The following FGFR2 variants were observed in gnomAD, a reference collection of about 807,000 sequenced individuals.
The protein encoded by FGFR2 is BEK fibroblast growth factor receptor.
In FGFR2, 19 loss-of-function variants were observed where a neutral mutation model predicts 95.9. That is an observed-to-expected ratio of 0.20 (90% CI 0.14 to 0.29). The LOEUF is 0.29. Ranked by LOEUF, FGFR2 falls within the 10% of genes least tolerant of loss-of-function variation. FGFR2 has a pLI of 1.00. For missense variants in FGFR2, 707 were observed against 1,056.9 expected (o/e 0.67, Z 4.59); for synonymous variants, 392 against 393.3 (o/e 1.00, Z 0.04).
At chr10:121,585,361 T>C (rs1441640925) in intron 2 of FGFR2, among the ~76,000 whole-genome samples, 2 of 152,214 alleles carry the variant, frequency 1.3e-5, no homozygotes, top group Admixed American at 1.3e-4. Context: ...AAACATCTTA[T>C]TGGTCCAGGA....
At chr10:121,503,472 T>C (rs1274061116) in intron 10 of FGFR2, among the ~76,000 whole-genome samples, 3 of 152,238 alleles carry the variant, frequency 2.0e-5, no homozygotes, top group African/African-American at 7.2e-5. Flanking sequence ...CAGATCTGTT[T>C]TATAAATTGG....
At chr10:121,546,690 C>T (rs1196056696) in intron 5 of FGFR2, among the ~76,000 whole-genome samples, 6 of 152,172 alleles carry the variant, frequency 3.9e-5, no homozygotes, top group African/African-American at 1.4e-4. Context: ...ACATGCATGC[C>T]ATTTCAAAAC....
chr10:121,489,163 C>G (rs1845807338), intron 13 of FGFR2, among the ~76,000 whole-genome samples: 1 of 152,156 alleles, frequency 6.6e-6, no homozygotes, highest in Non-Finnish European at 1.5e-5. Context: ...ACCTCCGCCT[C>G]CTGGGTTCAA....
At chr10:121,513,243 A>G (rs551027531) in intron 9 of FGFR2, among the ~76,000 whole-genome samples, 1 of 152,364 alleles carries the variant, frequency 6.6e-6, no homozygotes, top group South Asian at 2.1e-4. Context: ...TACTTAATTT[A>G]GAACATTCTT....
intron 6 of FGFR2, among the ~76,000 whole-genome samples, chr10:121,534,328 AC>A (rs1052218529): frequency 6.6e-6 from 1 of 151,278 alleles, no homozygotes; most frequent in African/African-American, 2.4e-5. Context: ...TGAACTCCTG[AC>A]CTCATGATCT....
At chr10:121,542,279 T>C (rs1464592312) in intron 5 of FGFR2, among the ~76,000 whole-genome samples, 3 of 152,184 alleles carry the variant, frequency 2.0e-5, no homozygotes, top group South Asian at 4.1e-4. Context: ...AAAGAAAATA[T>C]ACCAAATTGT....
Position 121,543,701 on chromosome 10 carries a change from T to C in FGFR2, c.625-4986A>G, listed in dbSNP as rs1278348559. 2.6e-5 allele frequency among the ~76,000 whole-genome samples: 4 copies of C among 152,204 alleles called. No homozygotes were observed. The South Asian group carries it at 8.3e-4, about 31-fold the overall frequency. ...AGATGTGGAGGCAAACACCTGTTAA[T>C]GCTTAAACTCCAACATTGATACAAG... On this transcript the variant is annotated intron_variant, in intron 5 of 17. Coordinates refer to ENST00000358487, the MANE Select transcript of FGFR2 (RefSeq NM_000141.5).
intron 2 of FGFR2, among the ~76,000 whole-genome samples, chr10:121,590,154 A>AT (rs34059082): frequency 6.6e-6 from 1 of 151,694 alleles, no homozygotes; most frequent in Non-Finnish European, 1.5e-5. Context: ...CACAAACTAC[A>AT]TTTTTTTTCA....
intron 17 of FGFR2, 35 bp downstream of exon 17, chr10:121,483,663 C>A (rs761568428): frequency 2.7e-6 from 4 of 1,509,168 alleles, no homozygotes; most frequent in Admixed American, 3.4e-5. Flanking sequence ...CACAAGACAA[C>A]CAAGGACAAG....
intron 13 of FGFR2, among the ~76,000 whole-genome samples, chr10:121,491,540 A>G (rs1242455519): frequency 2.0e-5 from 3 of 152,110 alleles, no homozygotes; most frequent in African/African-American, 7.2e-5. Flanking sequence ...ATAGTGTTAT[A>G]CCCATTTTAC....
chr10:121,534,632 G>A (rs551319753), intron 6 of FGFR2, among the ~76,000 whole-genome samples: 2 of 149,548 alleles, frequency 1.3e-5, no homozygotes, highest in Admixed American at 1.3e-4. Flanking sequence ...CTGACCTTAG[G>A]TGATCTGCCC....
chr10:121,571,929 G>A lies in FGFR2; in HGVS notation c.110-6225C>T, dbSNP rs1858833781. On this transcript the variant is annotated intron_variant, in intron 2 of 17. Transcript: ENST00000358487. ...TTGCACTCCAGCCGGGGCAACAAGA[G>A]CAAAACTCCATCTCAAAAAAAAAAT... 2.0e-5 allele frequency among the ~76,000 whole-genome samples: 3 copies of A among 149,038 alleles called. 1 individual carries two copies. Among genetic ancestry groups the A allele is most frequent in the Admixed American group, 6.7e-5 (1 of 14,964 alleles).
At chr10:121,542,733 C>T (rs1409902940) in intron 5 of FGFR2, among the ~76,000 whole-genome samples, 1 of 152,144 alleles carries the variant, frequency 6.6e-6, no homozygotes, top group African/African-American at 2.4e-5. Flanking sequence ...CATGAACATT[C>T]CACACCCTAT....
At chr10:121,525,219 T>G (rs1589857114) in intron 6 of FGFR2, among the ~76,000 whole-genome samples, 1 of 152,126 alleles carries the variant, frequency 6.6e-6, no homozygotes, top group East Asian at 1.9e-4. Flanking sequence ...AAATGCACAG[T>G]GCATGGACCT....
intron 6 of FGFR2, among the ~76,000 whole-genome samples, chr10:121,537,430 A>AAAG (rs1853013344): frequency 6.6e-6 from 1 of 152,184 alleles, no homozygotes; most frequent in African/African-American, 2.4e-5. Context: ...AAATCTTTGC[A>AAAG]ATTTGGTTAA....
intron 10 of FGFR2, among the ~76,000 whole-genome samples, chr10:121,503,454 TA>T (rs1246860101): frequency 3.3e-5 from 5 of 152,214 alleles, no homozygotes; most frequent in Non-Finnish European, 7.3e-5. Context: ...AACCAAAAGC[TA>T]GAATGTCAGA....
At position 121,564,412 on chromosome 10, in the gene FGFR2, C is replaced by T. The variant is rs937028418; in HGVS notation, c.454+90G>A. ...GCAAGGGCCGCGGGACACAGCATGG[C>T]GCAGAAGAGTCGACAAGAAGACAGG... On this transcript the variant is annotated intron_variant, in intron 4 of 17. Coordinates refer to ENST00000358487, the MANE Select transcript of FGFR2 (RefSeq NM_000141.5). The T allele has an allele frequency of 2.4e-5, 29 of 1,206,942 alleles. No individual in the cohort carries two copies. The Admixed American group carries it at 2.7e-4, about 11-fold the overall frequency. 74.8% of individuals were successfully genotyped at this position (1,206,942 alleles called of 1,614,324 possible).
At chr10:121,488,843 C>T (rs1440618184) in intron 13 of FGFR2, among the ~76,000 whole-genome samples, 1 of 152,132 alleles carries the variant, frequency 6.6e-6, no homozygotes, top group African/African-American at 2.4e-5. Context: ...CCTGAATTTT[C>T]AGAAGCGTTG....
chr10:121,569,199 T>TTTTTCTTTTCTTTTC (rs141842032), intron 2 of FGFR2, among the ~76,000 whole-genome samples: 57 of 137,852 alleles, frequency 4.1e-4, no homozygotes, highest in African/African-American at 1.4e-3. Context: ...TCTGGGTTTC[T>TTTTTCTTTTCTTTTC]TTTTCTTTTC....
Sources: allele counts gnomAD v4.1 joint callset (sites outside exome capture counted in the v4.1 genomes callset), GRCh38; gene constraint gnomAD v4.1.1; transcripts MANE v1.5; gene names NCBI Gene and HGNC (gene_info 2026-07-23, HGNC 2026-07-21).